The following SMARCD3 variants were observed in gnomAD, a reference collection of about 807,000 sequenced individuals.
The protein encoded by SMARCD3 is SWI/SNF related BAF chromatin remodeling complex subunit D3.
Under a neutral mutation model 58.0 loss-of-function variants are expected in SMARCD3, and 14 were observed. That is an observed-to-expected ratio of 0.24 (90% confidence interval 0.16 to 0.38). The LOEUF (loss-of-function observed/expected upper bound fraction) is 0.38, where lower values mean the gene tolerates loss of function less well. Among genes scored for constraint, SMARCD3 ranks in the 10% least tolerant of loss-of-function variants. The pLI, the probability that SMARCD3 is intolerant of heterozygous loss-of-function variation, is 1.00. For missense variants in SMARCD3, 408 were observed against 636.9 expected (o/e 0.64, Z 3.87); for synonymous variants, 253 against 253.8 (o/e 1.00, Z 0.03).
intron 2 of SMARCD3, among the ~76,000 whole-genome samples, chr7:151,267,161 A>C (rs954655174): frequency 6.6e-6 from 1 of 152,240 alleles, no homozygotes; most frequent in Non-Finnish European, 1.5e-5. Context: ...AGATATAGGG[A>C]AACACTTTGT....
chr7:151,243,769 CTA>C lies in SMARCD3; in HGVS notation c.291-70_291-69del, dbSNP rs1455027989. ...GATCTGGGCGTAACGAGGCCACCTG[CTA>C]GATTATCCCGACATCTCCGCCCGCC... On this transcript the variant is annotated intron_variant, in intron 2 of 12. Transcript: ENST00000262188. The surrounding 1 kb of genome is among the most constrained non-coding windows in gnomAD (Gnocchi z 4.4). 8 of 1,109,322 alleles carry C rather than the reference CTA, an allele frequency of 7.2e-6. No homozygotes were observed. The highest frequency in any genetic ancestry group is 3.9e-4 in the Middle Eastern group (2 of 5,092). 68.7% of individuals were successfully genotyped at this position (1,109,322 alleles called of 1,614,324 possible).
At chr7:151,240,882 C>T (rs944249667) in intron 8 of SMARCD3, 5 of 282,832 alleles carry the variant, frequency 1.8e-5, no homozygotes, top group African/African-American at 8.8e-5. Flanking sequence ...CCAGGGCTGC[C>T]GTGAGAAGTC....
intron 2 of SMARCD3, among the ~76,000 whole-genome samples, chr7:151,272,197 G>A (rs994983481): frequency 5.9e-5 from 9 of 152,116 alleles, no homozygotes; most frequent in Non-Finnish European, 1.3e-4. Context: ...CTCGGGACCA[G>A]AAATCACGTG....
Position 151,245,563 on chromosome 7 carries a change from C to T in SMARCD3, c.187G>A (p.Ala63Thr). The T allele has an allele frequency of 8.5e-7, 1 of 1,180,812 alleles. No homozygotes were observed. 73.1% of individuals were successfully genotyped at this position (1,180,812 alleles called of 1,614,324 possible). ...SPAVRPGLAPAGMEPARKRAA... is the reference protein window; with the variant it reads ...SPAVRPGLAPTGMEPARKRAA... ...CGCTTGCGGGCGGGCTCCATGCCCG[C>T]GGGGGCCAGGCCGGGTCGCACGGCG... is the stretch of plus-strand genomic sequence containing the variant. Residue 63 changes from alanine (A) to threonine (T), a missense_variant, in exon 2 of 13, where the codon GCG (alanine) becomes ACG (threonine). Physicochemically the swap from Ala to Thr is moderately conservative, Grantham distance 58. Transcript: ENST00000262188. The surrounding 1 kb of genome is among the most constrained non-coding windows in gnomAD (Gnocchi z 6.2).
Position 151,248,654 on chromosome 7 carries a change from G to A in SMARCD3, c.-92C>T. ...TTTTTTTCCTCCAACTCTCCCCTCTGAGTCCTGCTGGGCTCTCTCACACTT... is the reference window on the plus strand; with the variant it reads ...TTTTTTTCCTCCAACTCTCCCCTCTAAGTCCTGCTGGGCTCTCTCACACTT... On this transcript the variant is annotated 5_prime_UTR_variant, in exon 1 of 13. Coordinates refer to ENST00000262188, the MANE Select transcript of SMARCD3 (RefSeq NM_001003801.2). This position sits in a 1 kb window ranked among gnomAD's most constrained non-coding sequence, Gnocchi z 6.1. The A allele has an allele frequency of 1.9e-6, 3 of 1,567,934 alleles. No homozygotes were observed. The highest frequency in any genetic ancestry group is 2.6e-6 in the Non-Finnish European group (3 of 1,155,072).
chr7:151,274,693 C>T (rs1795286416), intron 2 of SMARCD3, among the ~76,000 whole-genome samples: 1 of 152,182 alleles, frequency 6.6e-6, no homozygotes, highest in African/African-American at 2.4e-5. Flanking sequence ...TGAGCATGTG[C>T]ACGTATGTGC....
chr7:151,275,302 C>G, intron 1 of SMARCD3: 2 of 694,042 alleles, frequency 2.9e-6, no homozygotes, highest in South Asian at 1.7e-5. Context: ...AAGGAGGCCT[C>G]GGGAAGCTGC....
upstream of SMARCD3, chr7:151,277,121 T>C (rs1769849478): frequency 2.0e-5 from 3 of 150,574 alleles, no homozygotes; most frequent in Non-Finnish European, 4.4e-5. Context: ...GCCCGCTCCC[T>C]GCTCGGCGCT....
chr7:151,251,751 C>T (rs907501090), upstream of SMARCD3, among the ~76,000 whole-genome samples: 7 of 151,838 alleles, frequency 4.6e-5, no homozygotes, highest in African/African-American at 1.7e-4. Context: ...GTCCCCCCTG[C>T]CGTCCCCCCA....
chr7:151,258,125 C>G (rs1028335821), intron 2 of SMARCD3, among the ~76,000 whole-genome samples: 1 of 152,162 alleles, frequency 6.6e-6, no homozygotes, highest in Admixed American at 6.5e-5. Flanking sequence ...ACTCTGAAGG[C>G]ACATCCTATT....
At position 151,242,471 on chromosome 7, in the gene SMARCD3, C is replaced by T. The variant is rs116608068; in HGVS notation, c.579+10G>A. 2.5e-3 allele frequency: 3,966 copies of T among 1,612,140 alleles called. 72 individuals are homozygous for T. In the African/African-American group the frequency reaches 0.039, roughly 16 times the overall value. ...CCAGGACACCTGGAGAGACCTGGGC[C>T]GGGACGTACATCATCCAGGAGCTTC... is the stretch of plus-strand genomic sequence containing the variant. On this transcript the variant is annotated intron_variant, in intron 5 of 12. Coordinates refer to ENST00000262188, the MANE Select transcript of SMARCD3 (RefSeq NM_001003801.2). The surrounding 1 kb of genome is among the most constrained non-coding windows in gnomAD (Gnocchi z 4.7).
intron 1 of SMARCD3, among the ~76,000 whole-genome samples, chr7:151,275,420 G>A (rs1795311831): frequency 6.6e-6 from 1 of 152,192 alleles, no homozygotes; most frequent in Non-Finnish European, 1.5e-5. Context: ...GGCTGGGGTG[G>A]CACAAGGCAG....
chr7:151,251,929 G>A (rs1052572611), upstream of SMARCD3, among the ~76,000 whole-genome samples: 42 of 147,488 alleles, frequency 2.8e-4, no homozygotes, highest in African/African-American at 1.0e-3. Flanking sequence ...GGCCGGCCCG[G>A]CCCGCGCCGC....
upstream of SMARCD3, chr7:151,248,759 CGCCGCCGCCGCCGCCGCGGCT>C: frequency 1.1e-6 from 1 of 894,722 alleles, no homozygotes; most frequent in Non-Finnish European, 1.4e-6. This position sits in a 1 kb window ranked among gnomAD's most constrained non-coding sequence, Gnocchi z 6.1. Flanking sequence ...GCCCGCCCGC[CGCCGCCGCCGCCGCCGCGGCT>C]GCCGCATTCC....
Position 151,239,977 on chromosome 7 carries a change from G to C in SMARCD3, c.1173+135C>G. The C allele has an allele frequency of 5.8e-6, 6 of 1,038,812 alleles. No homozygotes were observed. The South Asian group carries it at 9.7e-5, about 17-fold the overall frequency. The allele number at this position is 1,038,812 out of a possible 1,614,324, so 64.3% of individuals were successfully genotyped here. A position where few individuals can be genotyped will look rare whatever the true frequency, so the allele number is the denominator to read the frequency against. ...GGGCCATGTGTGTCCCATTGGCCCA[G>C]AGTCTGGTCTCTTTTTTTTTTTTTT... On this transcript the variant is annotated intron_variant, in intron 10 of 12. Coordinates refer to ENST00000262188, the MANE Select transcript of SMARCD3 (RefSeq NM_001003801.2). The surrounding 1 kb of genome is among the most constrained non-coding windows in gnomAD (Gnocchi z 7.0).
At chr7:151,252,552 G>A (rs1185007726), upstream of SMARCD3, among the ~76,000 whole-genome samples, 4 of 152,128 alleles carry the variant, frequency 2.6e-5, no homozygotes, top group African/African-American at 9.7e-5. Context: ...CTTGGTTTCG[G>A]TGTTCTGGCC....
intron 2 of SMARCD3, among the ~76,000 whole-genome samples, chr7:151,263,079 G>C (rs1377305421): frequency 6.6e-6 from 1 of 152,224 alleles, no homozygotes. Flanking sequence ...CACCTTATAA[G>C]TGGGGAAACT....
In SMARCD3 at chr7:151,248,557, G is replaced by T; in HGVS notation, c.6C>A (p.Ala2=). ...GCGCCCCTCCGGCAACTTCGTCCGC[G>T]GCCATCGGGGTGGGCTCAGCGGCTC... M[A]ADEVAGGARK... The change falls in exon 1 of 13, where the codon GCC becomes GCA. Residue 2 remains alanine (A), a synonymous_variant. Coordinates refer to ENST00000262188, the MANE Select transcript of SMARCD3 (RefSeq NM_001003801.2). This position sits in a 1 kb window ranked among gnomAD's most constrained non-coding sequence, Gnocchi z 6.1. The T allele has an allele frequency of 6.2e-7, 1 of 1,613,766 alleles. No homozygotes were observed. The highest frequency in any genetic ancestry group is 8.5e-7 in the Non-Finnish European group (1 of 1,179,784).
At chr7:151,261,927 GCTTC>G (rs1563685693) in intron 2 of SMARCD3, among the ~76,000 whole-genome samples, 1 of 152,156 alleles carries the variant, frequency 6.6e-6, no homozygotes, top group East Asian at 1.9e-4. Context: ...GCCACTGGAC[GCTTC>G]CTTGGGCAGA....
Sources: gnomAD v4.1 joint callset for allele counts (sites outside exome capture counted in the v4.1 genomes callset) on GRCh38, gnomAD v4.1.1 for gene constraint, Gnocchi (gnomAD v3.1) non-coding constraint, MANE v1.5 for transcripts, NCBI Gene and HGNC (gene_info 2026-07-23, HGNC 2026-07-21) for gene names.